Variants in ZNF304 observed in about 807,000 individuals in gnomAD.
ZNF304 encodes zinc finger protein 304.
In ZNF304, 7 loss-of-function variants were observed where a neutral mutation model predicts 7.8. That is an observed-to-expected ratio of 0.90 (90% CI 0.51 to 1.69). ZNF304 has a LOEUF of 1.69. ZNF304 is among the 40% of genes most tolerant of loss of function. ZNF304 has a pLI of 0.00. For synonymous variants in ZNF304, 280 were observed against 272.4 expected (o/e 1.03, Z -0.27); for missense variants, 669 against 804.8 (o/e 0.83, Z 2.04).
At chr19:57,355,212 A>G (rs762162393) in intron 2 of ZNF304, 26 of 754,692 alleles carry the variant, frequency 3.4e-5, no homozygotes, top group East Asian at 2.7e-4. Context: ...TAAACATTCT[A>G]TTTTCTCTGT....
rs1313815621 is a variant in ZNF304, at chr19:57,356,089, G to T, written c.220G>T (p.Val74Leu). 3 of 1,614,226 alleles carry T rather than the reference G, an allele frequency of 1.9e-6. No individual in the cohort carries two copies. The highest frequency in any genetic ancestry group is 2.5e-6 in the Non-Finnish European group (3 of 1,180,022). ...TGAGCAGAGCGTTTCTGTAGAAGGA[G>T]TGTCACAGGTCAGGACTGCTGAGTC... ...PSEQSVSVEG[V>L]SQVRTAESGL... Residue 74 changes from valine (V) to leucine (L), a missense_variant, in exon 3 of 3, where the codon GTG becomes TTG. Physicochemically the swap from Val to Leu is conservative, Grantham distance 32. Transcript: ENST00000282286.
chr19:57,356,718 G>A lies in ZNF304; in HGVS notation c.849G>A (p.Glu283=). The A allele has an allele frequency of 6.2e-7, 1 of 1,614,226 alleles. No homozygotes were observed. The highest frequency in any genetic ancestry group is 8.5e-7 in the Non-Finnish European group (1 of 1,180,046). Residue 283 remains glutamate, a synonymous_variant, in exon 3 of 3, where the codon GAG becomes GAA. Coordinates refer to ENST00000282286, the MANE Select transcript of ZNF304 (RefSeq NM_020657.4). ...HSGEISHVCK[E]CGKAFIHLHH... ...GAGAAATATCTCATGTGTGTAAGGA[G>A]TGTGGAAAAGCCTTCATTCACTTGC... is the stretch of plus-strand genomic sequence containing the variant.
At chr19:57,354,307 G>A (rs2088310616) in intron 2 of ZNF304, among the ~76,000 whole-genome samples, 1 of 152,192 alleles carries the variant, frequency 6.6e-6, no homozygotes, top group Non-Finnish European at 1.5e-5. Context: ...TGCCCAGCCT[G>A]ATCACACCTT....
rs936683571 is a variant in ZNF304, at chr19:57,351,779, G to A, written c.33+82G>A. The A allele has an allele frequency of 1.3e-4, 187 of 1,480,182 alleles. No individual in the cohort carries two copies. Among genetic ancestry groups the A allele is most frequent in the Admixed American group, 7.2e-4 (37 of 51,544 alleles). 91.7% of individuals were successfully genotyped at this position (1,480,182 alleles called of 1,614,324 possible). A position where few individuals can be genotyped will look rare whatever the true frequency, so the allele number is the denominator to read the frequency against. ...TCGCTCTCATCGCGCACTTCAGGGT[G>A]CTCACTCCGTCGCATTATGTGGAGG... On this transcript the variant is annotated intron_variant, in intron 1 of 2. Coordinates refer to ENST00000282286, the MANE Select transcript of ZNF304 (RefSeq NM_020657.4). The surrounding 1 kb of genome is among the most constrained non-coding windows in gnomAD (Gnocchi z 4.1).
intron 1 of ZNF304, among the ~76,000 whole-genome samples, chr19:57,352,455 A>C (rs547687819): frequency 2.0e-5 from 3 of 152,328 alleles, no homozygotes; most frequent in South Asian, 2.1e-4. Context: ...AGGTACGCTC[A>C]AATGCTTGTA....
At chr19:57,352,671 G>A (rs1324276864) in intron 1 of ZNF304, 1 of 152,334 alleles carries the variant, frequency 6.6e-6, no homozygotes, top group Non-Finnish European at 1.5e-5. Context: ...AACAGACTGT[G>A]AGCATGAGGG....
chr19:57,356,720 G>A lies in ZNF304; in HGVS notation c.851G>A (p.Cys284Tyr). The change falls in exon 3 of 3, where the codon TGT (cysteine) becomes TAT (tyrosine). Residue 284 changes from cysteine (C) to tyrosine (Y), a missense_variant. Coordinates refer to ENST00000282286, the MANE Select transcript of ZNF304 (RefSeq NM_020657.4). The stretch of plus-strand genomic sequence containing the variant: ...GAAATATCTCATGTGTGTAAGGAGT[G>A]TGGAAAAGCCTTCATTCACTTGCAC... ...SGEISHVCKECGKAFIHLHHL... is the reference protein window; with the variant it reads ...SGEISHVCKEYGKAFIHLHHL... The A allele has an allele frequency of 6.2e-7, 1 of 1,614,242 alleles. No homozygotes were observed.
intron 2 of ZNF304, 137 bp from the exon 3 acceptor site, chr19:57,355,890 CCTT>C: frequency 1.1e-6 from 1 of 942,752 alleles, no homozygotes; most frequent in Non-Finnish European, 1.6e-6. Flanking sequence ...GACAACCAGC[CCTT>C]CTTTACACTG....
At chr19:57,354,767 C>A (rs1341202308) in intron 2 of ZNF304, among the ~76,000 whole-genome samples, 1 of 152,178 alleles carries the variant, frequency 6.6e-6, no homozygotes, top group Non-Finnish European at 1.5e-5. Flanking sequence ...CCTTTACACC[C>A]ACTCCGGTGT....
rs1253937179 is a variant in ZNF304, at chr19:57,359,208, C to T, written c.*1359C>T. On this transcript the variant is annotated 3_prime_UTR_variant, in exon 3 of 3. Transcript: ENST00000282286. ...GCAGTTGACCTGCACAGACAGGAAC[C>T]TCAGCAGTGACAGAAGAGAGATCCA... is the stretch of plus-strand genomic sequence containing the variant. 1 of 152,160 alleles carries T rather than the reference C, an allele frequency of 6.6e-6. No individual in the cohort carries two copies. 9.4% of individuals were successfully genotyped at this position (152,160 alleles called of 1,614,324 possible).
At position 57,351,817 on chromosome 19, in the gene ZNF304, C is replaced by T; in HGVS notation, c.33+120C>T. On this transcript the variant is annotated intron_variant, in intron 1 of 2. Coordinates refer to ENST00000282286, the MANE Select transcript of ZNF304 (RefSeq NM_020657.4). This position sits in a 1 kb window ranked among gnomAD's most constrained non-coding sequence, Gnocchi z 4.1. ...CATTATGTGGAGGGGTTCCGCTCCC[C>T]TCATCAGTGGCATAAGGTGTGGAAC... 1.8e-6 allele frequency: 2 copies of T among 1,127,296 alleles called. No individual in the cohort carries two copies. Among genetic ancestry groups the T allele is most frequent in the Non-Finnish European group, 2.5e-6 (2 of 790,638 alleles). 69.8% of individuals were successfully genotyped at this position (1,127,296 alleles called of 1,614,324 possible). A position where few individuals can be genotyped will look rare whatever the true frequency, so the allele number is the denominator to read the frequency against.
chr19:57,353,764 C>T lies in ZNF304; in HGVS notation c.73C>T (p.Arg25Trp), dbSNP rs151177475. 3.0e-5 allele frequency: 48 copies of T among 1,613,168 alleles called. No individual in the cohort carries two copies. The African/African-American group carries it at 4.3e-4, about 14-fold the overall frequency. The change falls in exon 2 of 3, where the codon CGG becomes TGG. Residue 25 changes from arginine (R) to tryptophan (W), a missense_variant. Physicochemically the swap from Arg to Trp is moderately radical, Grantham distance 101. Coordinates refer to ENST00000282286, the MANE Select transcript of ZNF304 (RefSeq NM_020657.4). Reference sequence around the variant, plus strand: ...CGAGGATGTGTTCGTGTACTTCTCTCGGGAGGAGTGGGAACTCCTTGAGGA... The same window carrying T: ...CGAGGATGTGTTCGTGTACTTCTCTTGGGAGGAGTGGGAACTCCTTGAGGA... ...TFEDVFVYFS[R>W]EEWELLEEAQ...
chr19:57,356,327 C>A lies in ZNF304; in HGVS notation c.458C>A (p.Ser153Ter), dbSNP rs1319217940. The stretch of plus-strand genomic sequence containing the variant: ...TTCAGAGGGGATGATGGAGGGGCCT[C>A]ATTTGTGAAGAGCTGTACAGTCCAC... ...NCFRGDDGGA[S>*]FVKSCTVHML... The change falls in exon 3 of 3, where the codon TCA (serine) becomes TAA (stop). Residue 153 changes from serine (S) to a stop codon, truncating the protein, a stop_gained. Transcript: ENST00000282286. LOFTEE classifies it low-confidence loss of function (END_TRUNC). 1 of 1,614,172 alleles carries A rather than the reference C, an allele frequency of 6.2e-7. No individual in the cohort carries two copies. The highest frequency in any genetic ancestry group is 1.1e-5 in the South Asian group (1 of 91,078).
In ZNF304 at chr19:57,356,963, G is replaced by GC; in HGVS notation, c.1095dup (p.Asn366GlnfsTer8). On this transcript the variant is annotated frameshift_variant, in exon 3 of 3. Coordinates refer to ENST00000282286, the MANE Select transcript of ZNF304 (RefSeq NM_020657.4). LOFTEE classifies it low-confidence loss of function (END_TRUNC). ...CACACAGGAGAAAGGCCTTATAAGT[G>GC]CAACAAATGTGGGAAAGCCTTTAGC... is the stretch of plus-strand genomic sequence containing the variant. 1 of 1,605,244 alleles carries GC rather than the reference G, an allele frequency of 6.2e-7. No homozygotes were observed. The highest frequency in any genetic ancestry group is 8.5e-7 in the Non-Finnish European group (1 of 1,172,822).
At chr19:57,355,852 G>T (rs1239909691) in intron 2 of ZNF304, among the ~76,000 whole-genome samples, 178 bp from the exon 3 acceptor site, 3 of 152,146 alleles carry the variant, frequency 2.0e-5, no homozygotes, top group Admixed American at 2.0e-4. Flanking sequence ...CATAGTCAGG[G>T]TTCCTCCATT....
At position 57,359,710 on chromosome 19, in the gene ZNF304, CTA is replaced by C. The variant is rs1273622934; in HGVS notation, c.*1863_*1864del. The C allele has an allele frequency of 6.6e-6, 1 of 152,170 alleles. No individual in the cohort carries two copies. Among genetic ancestry groups the C allele is most frequent in the Non-Finnish European group, 1.5e-5 (1 of 68,020 alleles). The allele number at this position is 152,170 out of a possible 1,614,324, so 9.4% of individuals were successfully genotyped here. ...GCTCTGGCTTTTTCAGTAAACATAA[CTA>C]TTTTAAGGTTAATCCATTATCTTGT... is the stretch of plus-strand genomic sequence containing the variant. On this transcript the variant is annotated 3_prime_UTR_variant, in exon 3 of 3. Coordinates refer to ENST00000282286, the MANE Select transcript of ZNF304 (RefSeq NM_020657.4).
At position 57,356,109 on chromosome 19, in the gene ZNF304, T is replaced by G. The variant is rs1265349807; in HGVS notation, c.240T>G (p.Ala80=). The G allele has an allele frequency of 6.2e-7, 1 of 1,614,250 alleles. No individual in the cohort carries two copies. The highest frequency in any genetic ancestry group is 1.1e-5 in the South Asian group (1 of 91,092). ...SVEGVSQVRT[A]ESGLFQKAHP... is the part of the protein sequence containing the mutation. ...AAGGAGTGTCACAGGTCAGGACTGC[T>G]GAGTCAGGTCTTTTCCAGAAAGCAC... The change falls in exon 3 of 3, where the codon GCT becomes GCG. Residue 80 remains alanine (A), a synonymous_variant. Coordinates refer to ENST00000282286, the MANE Select transcript of ZNF304 (RefSeq NM_020657.4).
At chr19:57,355,378 G>A in intron 2 of ZNF304, 1 of 765,218 alleles carries the variant, frequency 1.3e-6, no homozygotes, top group South Asian at 1.3e-5. Context: ...GACCTACAGA[G>A]GGCATGGCCC....
chr19:57,357,661 C>T lies in ZNF304; in HGVS notation c.1792C>T (p.Arg598Cys), dbSNP rs779065887. ...ECSECGKFFS[R>C]NSGLILHQRV... ...CAGTGAATGTGGGAAATTCTTTAGC[C>T]GCAACTCTGGCCTCATTCTGCACCA... is the stretch of plus-strand genomic sequence containing the variant. Residue 598 changes from arginine (R) to cysteine (C), a missense_variant, in exon 3 of 3, where the codon CGC becomes TGC. Arg to Cys is a radical substitution (Grantham distance 180). Coordinates refer to ENST00000282286, the MANE Select transcript of ZNF304 (RefSeq NM_020657.4). 11 of 1,613,912 alleles carry T rather than the reference C, an allele frequency of 6.8e-6. No homozygotes were observed. The highest frequency in any genetic ancestry group is 3.3e-5 in the Admixed American group (2 of 59,996).
Sources: gnomAD v4.1 joint callset for allele counts (sites outside exome capture counted in the v4.1 genomes callset) on GRCh38, gnomAD v4.1.1 for gene constraint, Gnocchi (gnomAD v3.1) non-coding constraint, MANE v1.5 for transcripts, NCBI Gene and HGNC (gene_info 2026-07-23, HGNC 2026-07-21) for gene names.